RIC8B: variants seen among roughly 807,000 people sequenced by gnomAD.
The protein encoded by RIC8B is RIC8 guanine nucleotide exchange factor B.
A neutral mutation model predicts 57.5 loss-of-function variants in RIC8B; 16 were observed. The ratio of observed to expected loss-of-function variants is 0.28; its 90% CI spans 0.19 to 0.42. The LOEUF is 0.42. Among genes scored for constraint, RIC8B ranks in the 10% least tolerant of loss-of-function variants. The probability of loss-of-function intolerance (pLI) is 1.00; values close to 1 mark genes in which losing one functional copy is unlikely to be tolerated. For synonymous variants in RIC8B, 216 were observed against 250.8 expected (o/e 0.86, Z 1.31); for missense variants, 481 against 677.0 (o/e 0.71, Z 3.21).
chr12:106,854,320 A>T (rs566999438), intron 7 of RIC8B, among the ~76,000 whole-genome samples: 9 of 152,080 alleles, frequency 5.9e-5, no homozygotes, highest in Non-Finnish European at 1.2e-4. Context: ...TATTAAAATA[A>T]AATAAAATAA....
chr12:106,780,150 G>A (rs1383842073), intron 1 of RIC8B, among the ~76,000 whole-genome samples: 1 of 152,064 alleles, frequency 6.6e-6, no homozygotes, highest in Non-Finnish European at 1.5e-5. Flanking sequence ...TTATGTTAGA[G>A]GAGCCTCAAA....
intron 2 of RIC8B, among the ~76,000 whole-genome samples, chr12:106,796,307 G>A (rs2044480475): frequency 6.6e-6 from 1 of 152,148 alleles, no homozygotes; most frequent in Non-Finnish European, 1.5e-5. Flanking sequence ...GGAGGCCGAG[G>A]TGGGAGGGTC....
At chr12:106,779,868 C>CTTTTTTTTTT (rs34745029) in intron 1 of RIC8B, among the ~76,000 whole-genome samples, 2 of 98,968 alleles carry the variant, frequency 2.0e-5, no homozygotes, top group Non-Finnish European at 4.0e-5. Context: ...GGGGCCTGTT[C>CTTTTTTTTTT]TTTTTTTTTT....
rs146367995 is a variant in RIC8B, at chr12:106,854,312, T to TTAAAA, written c.1306+2743_1306+2747dup. Among the ~76,000 whole-genome samples, 736 of 151,932 alleles carry TTAAAA rather than the reference T, an allele frequency of 4.8e-3. 1 individual carries two copies. Among genetic ancestry groups the TTAAAA allele is most frequent in the African/African-American group, 0.011 (445 of 41,376 alleles). The stretch of plus-strand genomic sequence containing the variant: ...GGAATTTGGGTTTGGAGGTAGACTA[T>TTAAAA]TAAAATAAAATAAAATAAAATAAAA... On this transcript the variant is annotated intron_variant, in intron 7 of 9. Coordinates refer to ENST00000392837, the MANE Select transcript of RIC8B (RefSeq NM_001330145.2).
Position 106,851,534 on chromosome 12 carries a change from G to A in RIC8B, c.1246G>A (p.Val416Ile), listed in dbSNP as rs1949479108. 1.2e-6 allele frequency: 2 copies of A among 1,613,500 alleles called. No individual in the cohort carries two copies. Among genetic ancestry groups the A allele is most frequent in the Non-Finnish European group, 1.7e-6 (2 of 1,179,920 alleles). ...RNKLVRLMTH[V>I]DLGVKQIAAE... ...TAAGCTGGTGCGCCTCATGACACAT[G>A]TTGACCTTGGAGTCAAGCAAATTGC... The change falls in exon 7 of 10, where the codon GTT (valine) becomes ATT (isoleucine). Residue 416 changes from valine to isoleucine, a missense_variant. By Grantham distance (29) the Val-to-Ile change is conservative. This residue lies in a region of RIC8B where 421 missense variants were observed against 560.9 expected (regional missense o/e 0.75). Transcript: ENST00000392837.
rs770899198 is a variant in RIC8B, at chr12:106,814,865, T to C, written c.302T>C (p.Leu101Ser). The change falls in exon 3 of 10, where the codon TTA becomes TCA. Residue 101 changes from leucine (L) to serine (S), a missense_variant. Physicochemically the swap from Leu to Ser is moderately radical, Grantham distance 145. Transcript: ENST00000392837. ...ILLRLAKLNE[L>S]DDSLEKVSEF... is the part of the protein sequence containing the mutation. ...CTGCGACTAGCCAAGCTAAATGAGT[T>C]AGATGATTCTTTGGAGAAAGTATCA... is the stretch of plus-strand genomic sequence containing the variant. 6.2e-7 allele frequency: 1 copy of C among 1,614,142 alleles called. No homozygotes were observed. The highest frequency in any genetic ancestry group is 1.1e-5 in the South Asian group (1 of 91,086).
chr12:106,813,271 A>G (rs1027300287), intron 2 of RIC8B, among the ~76,000 whole-genome samples: 1 of 148,400 alleles, frequency 6.7e-6, no homozygotes, highest in Non-Finnish European at 1.5e-5. Flanking sequence ...GCTCACTGCA[A>G]CCTCCGACTC....
chr12:106,794,502 A>G (rs1164442201), intron 2 of RIC8B, among the ~76,000 whole-genome samples: 1 of 152,230 alleles, frequency 6.6e-6, no homozygotes, highest in African/African-American at 2.4e-5. Flanking sequence ...AAAAATGCTA[A>G]AAGCCAAAGA....
chr12:106,821,063 C>A (rs1048696707), intron 3 of RIC8B, among the ~76,000 whole-genome samples: 2 of 152,170 alleles, frequency 1.3e-5, no homozygotes, highest in African/African-American at 4.8e-5. Flanking sequence ...AATTAGTAAA[C>A]AGTTGTATAA....
Position 106,860,429 on chromosome 12 carries a change from C to A in RIC8B, c.1451+17C>A. On this transcript the variant is annotated intron_variant, in intron 8 of 9. Coordinates refer to ENST00000392837, the MANE Select transcript of RIC8B (RefSeq NM_001330145.2). Reference sequence around the variant, plus strand: ...AAAACCAAAGTATAGTATCAAATTTCTTTTCACCTAACTATGGCTGTGCCT... The same window carrying A: ...AAAACCAAAGTATAGTATCAAATTTATTTTCACCTAACTATGGCTGTGCCT... 1 of 1,517,612 alleles carries A rather than the reference C, an allele frequency of 6.6e-7. No homozygotes were observed. Among genetic ancestry groups the A allele is most frequent in the South Asian group, 1.3e-5 (1 of 77,008 alleles). 94.0% of individuals were successfully genotyped at this position (1,517,612 alleles called of 1,614,324 possible). A position where few individuals can be genotyped will look rare whatever the true frequency, so the allele number is the denominator to read the frequency against.
At chr12:106,839,749 C>G (rs1387884248) in intron 4 of RIC8B, among the ~76,000 whole-genome samples, 2 of 152,226 alleles carry the variant, frequency 1.3e-5, no homozygotes, top group Admixed American at 6.5e-5. Context: ...GGTGCAGTGG[C>G]TCACGCCTGT....
intron 6 of RIC8B, among the ~76,000 whole-genome samples, chr12:106,847,038 AC>A (rs971390358): frequency 6.6e-5 from 10 of 152,292 alleles, no homozygotes; most frequent in African/African-American, 2.4e-4. Flanking sequence ...TGTAGTAAAT[AC>A]CTGGTTAAAT....
chr12:106,838,126 A>G (rs2046701653), intron 4 of RIC8B, among the ~76,000 whole-genome samples: 1 of 152,208 alleles, frequency 6.6e-6, no homozygotes, highest in Non-Finnish European at 1.5e-5. Flanking sequence ...TTGTATTGGC[A>G]TAAAACAGAC....
intron 7 of RIC8B, among the ~76,000 whole-genome samples, chr12:106,855,183 C>T (rs1435907085): frequency 6.6e-6 from 1 of 152,170 alleles, no homozygotes; most frequent in Admixed American, 6.5e-5. Context: ...CTTGAACTCC[C>T]TTAGCACATA....
intron 2 of RIC8B, among the ~76,000 whole-genome samples, chr12:106,793,537 A>T (rs1344098345): frequency 6.6e-6 from 1 of 152,210 alleles, no homozygotes; most frequent in African/African-American, 2.4e-5. Context: ...TGAAAGGAGG[A>T]AAGTGGTAGC....
At chr12:106,855,489 A>G (rs1002920185) in intron 7 of RIC8B, among the ~76,000 whole-genome samples, 1 of 152,150 alleles carries the variant, frequency 6.6e-6, no homozygotes, top group African/African-American at 2.4e-5. Flanking sequence ...ACTACCCACC[A>G]AATACCACTG....
At position 106,879,998 on chromosome 12, in the gene RIC8B, T is replaced by G; in HGVS notation, c.1572-5906T>G. The G allele has an allele frequency of 1.0e-6, 1 of 966,276 alleles. No individual in the cohort carries two copies. The highest frequency in any genetic ancestry group is 1.2e-6 in the Non-Finnish European group (1 of 812,390). The allele number at this position is 966,276 out of a possible 1,614,324, so 59.9% of individuals were successfully genotyped here. ...GTGAATATCTTAATCCTGATACACA[T>G]TTCAATATACAGTATCTCCGTTTTA... On this transcript the variant is annotated intron_variant, in intron 9 of 9. Transcript: ENST00000392837. This position sits in a 1 kb window ranked among gnomAD's most constrained non-coding sequence, Gnocchi z 4.9.
intron 2 of RIC8B, among the ~76,000 whole-genome samples, chr12:106,795,700 A>G (rs983069950): frequency 2.1e-4 from 32 of 152,166 alleles, no homozygotes; most frequent in African/African-American, 6.5e-4. Flanking sequence ...GCTGGCATGT[A>G]TGTCTGCAGC....
At position 106,878,824 on chromosome 12, in the gene RIC8B, T is replaced by TCCC. The variant is rs34359253; in HGVS notation, c.1572-7073_1572-7071dup. 2.7e-5 allele frequency among the ~76,000 whole-genome samples: 4 copies of TCCC among 150,116 alleles called. No individual in the cohort carries two copies. In the East Asian group the frequency reaches 7.9e-4, roughly 29 times the overall value. On this transcript the variant is annotated intron_variant, in intron 9 of 9. Transcript: ENST00000392837. ...GATTGAAGGAAGCAATGCCTCATGT[T>TCCC]CCCCCCCCCTTTTCTTCTTTTCTAA...
Sources: allele counts gnomAD v4.1 joint callset (sites outside exome capture counted in the v4.1 genomes callset), GRCh38; gene constraint gnomAD v4.1.1; regional missense constraint gnomAD v4.1.1; non-coding constraint Gnocchi (gnomAD v3.1); transcripts MANE v1.5; gene names NCBI Gene and HGNC (gene_info 2026-07-23, HGNC 2026-07-21).